The following HOOK3 variants were observed in gnomAD, a reference collection of about 807,000 sequenced individuals.
The protein encoded by HOOK3 is hook microtubule tethering protein 3.
In HOOK3, 24 loss-of-function variants were observed where a neutral mutation model predicts 116.3. The observed-to-expected ratio is 0.21, with a 90% CI of 0.15 to 0.29. HOOK3 has a LOEUF of 0.29. Among genes scored for constraint, HOOK3 ranks in the 10% least tolerant of loss-of-function variants. The pLI is 1.00. For missense variants in HOOK3, 632 were observed against 830.2 expected, an observed-to-expected ratio of 0.76 and a Z score of 2.93; for synonymous variants, 275 against 283.0, an observed-to-expected ratio of 0.97 and a Z score of 0.28.
intron 2 of HOOK3, among the ~76,000 whole-genome samples, chr8:42,910,584 A>G (rs1293952733): frequency 6.6e-6 from 1 of 152,258 alleles, no homozygotes; most frequent in Non-Finnish European, 1.5e-5. Flanking sequence ...AAGTAGAATC[A>G]TACAGTATGT....
At chr8:42,939,234 A>G (rs1279672141) in intron 4 of HOOK3, among the ~76,000 whole-genome samples, 2 of 152,080 alleles carry the variant, frequency 1.3e-5, no homozygotes, top group South Asian at 4.1e-4. Flanking sequence ...GCTATTGGGT[A>G]CACCTCCCAG....
chr8:42,963,091 T>G (rs1275240086), intron 8 of HOOK3, among the ~76,000 whole-genome samples: 1 of 152,180 alleles, frequency 6.6e-6, no homozygotes, highest in Non-Finnish European at 1.5e-5. Flanking sequence ...TGTGAGCTGC[T>G]GCACCCAGCC....
chr8:42,960,282 G>A (rs1293717245), intron 8 of HOOK3, among the ~76,000 whole-genome samples: 1 of 152,210 alleles, frequency 6.6e-6, no homozygotes, highest in African/African-American at 2.4e-5. Context: ...CAATGACAGA[G>A]TGGAGTACTT....
chr8:42,964,318 C>CT lies in HOOK3; in HGVS notation c.623_624insT (p.Leu209IlefsTer7), dbSNP rs1275388890. 6.2e-7 allele frequency: 1 copy of CT among 1,613,986 alleles called. No individual in the cohort carries two copies. On this transcript the variant is annotated frameshift_variant, in exon 9 of 22. Coordinates refer to ENST00000307602, the MANE Select transcript of HOOK3 (RefSeq NM_032410.4). LOFTEE classifies it high-confidence loss of function. Reference sequence around the variant, plus strand: ...CGTCCTATATTCCAACAGGTTGCAGCATTGCAGGAAGAGAAAAGTAGTTTG... The same window carrying CT: ...CGTCCTATATTCCAACAGGTTGCAGCTATTGCAGGAAGAGAAAAGTAGTTTG...
At chr8:42,899,043 T>C (rs916788807) in intron 1 of HOOK3, among the ~76,000 whole-genome samples, 3 of 152,110 alleles carry the variant, frequency 2.0e-5, no homozygotes, top group African/African-American at 4.8e-5. Flanking sequence ...GTATCTTGCA[T>C]CATTGTAAAG....
chr8:42,906,405 T>C, intron 2 of HOOK3, 147 bp downstream of exon 2: 1 of 625,106 alleles, frequency 1.6e-6, no homozygotes, highest in South Asian at 1.9e-5. Flanking sequence ...GGAATGTACT[T>C]ATTAGGTATA....
intron 5 of HOOK3, among the ~76,000 whole-genome samples, chr8:42,948,970 A>AATTTT (rs1808287923): frequency 6.6e-6 from 1 of 152,252 alleles, no homozygotes; most frequent in Non-Finnish European, 1.5e-5. Flanking sequence ...GTTTCTGATA[A>AATTTT]ACTAAAGCTT....
intron 20 of HOOK3, 62 bp downstream of exon 20, chr8:43,013,217 G>T: frequency 7.0e-7 from 1 of 1,435,004 alleles, no homozygotes; most frequent in Non-Finnish European, 9.5e-7. Context: ...TGGGAGCCTT[G>T]TTATATTTTA....
At chr8:43,007,009 T>G (rs1486058339) in intron 17 of HOOK3, among the ~76,000 whole-genome samples, 1 of 149,946 alleles carries the variant, frequency 6.7e-6, no homozygotes, top group Non-Finnish European at 1.5e-5. Flanking sequence ...ACGTCTTAAG[T>G]TCCTAGATTT....
At position 43,029,578 on chromosome 8, in the gene HOOK3, T is replaced by C. The variant is rs1003104894; in HGVS notation, c.*11080T>C. 5.2e-6 allele frequency: 1 copy of C among 191,548 alleles called. No homozygotes were observed. Among genetic ancestry groups the C allele is most frequent in the Non-Finnish European group, 1.1e-5 (1 of 91,528 alleles). The allele number at this position is 191,548 out of a possible 1,614,324, so 11.9% of individuals were successfully genotyped here. On this transcript the variant is annotated 3_prime_UTR_variant, in exon 22 of 22. Transcript: ENST00000307602. ...TGCTTTGTACTTAGAAAATAATTTCTAGGCTTATCTTGTTTTGCAGTTTTC... is the reference window on the plus strand; with the variant it reads ...TGCTTTGTACTTAGAAAATAATTTCCAGGCTTATCTTGTTTTGCAGTTTTC...
chr8:42,931,785 C>T (rs1049629065), intron 4 of HOOK3, among the ~76,000 whole-genome samples: 3 of 151,628 alleles, frequency 2.0e-5, no homozygotes, highest in Non-Finnish European at 2.9e-5. Flanking sequence ...GACAGATTCT[C>T]GCTGTGTCGC....
intron 2 of HOOK3, among the ~76,000 whole-genome samples, chr8:42,911,698 A>G (rs891466635): frequency 6.6e-6 from 1 of 152,218 alleles, no homozygotes; most frequent in Non-Finnish European, 1.5e-5. Context: ...AATGGTATAT[A>G]AAATCAGCAT....
intron 5 of HOOK3, among the ~76,000 whole-genome samples, chr8:42,946,344 T>C (rs1808225474): frequency 6.6e-6 from 1 of 152,022 alleles, no homozygotes; most frequent in Non-Finnish European, 1.5e-5. Context: ...GTAATGTAAA[T>C]AGTAGAAGCT....
intron 13 of HOOK3, among the ~76,000 whole-genome samples, chr8:42,980,188 G>A (rs1004335001): frequency 2.0e-5 from 3 of 151,950 alleles, no homozygotes; most frequent in African/African-American, 7.2e-5. Flanking sequence ...CCTGACCTCA[G>A]GTGATCCACC....
intron 4 of HOOK3, among the ~76,000 whole-genome samples, chr8:42,941,190 G>A (rs923032793): frequency 4.0e-5 from 6 of 150,438 alleles, no homozygotes; most frequent in South Asian, 2.1e-4. Flanking sequence ...CAGGTGATCC[G>A]CCCGCCTTGG....
rs1381862731 is a variant in HOOK3, at chr8:43,022,112, AATATACT to A, written c.*3615_*3621del. The A allele has an allele frequency of 3.2e-4, 63 of 195,464 alleles. No homozygotes were observed. The highest frequency in any genetic ancestry group is 6.7e-4 in the Admixed American group (11 of 16,486). The allele number at this position is 195,464 out of a possible 1,614,324, so 12.1% of individuals were successfully genotyped here. A position where few individuals can be genotyped will look rare whatever the true frequency, so the allele number is the denominator to read the frequency against. Reference sequence around the variant, plus strand: ...AAAAAAAAAAAAAAAAAAACTTCTGAATATACTTTAGGTATCAGAAAGCCAAGAATAA... The same window carrying A: ...AAAAAAAAAAAAAAAAAAACTTCTGATTAGGTATCAGAAAGCCAAGAATAA... On this transcript the variant is annotated 3_prime_UTR_variant, in exon 22 of 22. Coordinates refer to ENST00000307602, the MANE Select transcript of HOOK3 (RefSeq NM_032410.4).
At chr8:43,015,251 G>A (rs569907610) in intron 21 of HOOK3, among the ~76,000 whole-genome samples, 3 of 152,100 alleles carry the variant, frequency 2.0e-5, no homozygotes, top group Non-Finnish European at 2.9e-5. Flanking sequence ...GGCTATGCAC[G>A]ATGGCTCACA....
At chr8:42,978,441 A>T (rs1586618797) in intron 13 of HOOK3, among the ~76,000 whole-genome samples, 1 of 127,832 alleles carries the variant, frequency 7.8e-6, no homozygotes, top group African/African-American at 3.0e-5. Flanking sequence ...ATGAAGTCTC[A>T]CTCTTGTCCC....
intron 2 of HOOK3, among the ~76,000 whole-genome samples, chr8:42,913,637 C>T (rs528599823): frequency 2.6e-5 from 4 of 152,132 alleles, no homozygotes; most frequent in African/African-American, 7.2e-5. Context: ...TTCTGTTTCA[C>T]CTAGGAGAGG....
Sources: allele counts gnomAD v4.1 joint callset (sites outside exome capture counted in the v4.1 genomes callset), GRCh38; gene constraint gnomAD v4.1.1; transcripts MANE v1.5; gene names NCBI Gene and HGNC (gene_info 2026-07-23, HGNC 2026-07-21).